Variants in RBFOX2 observed in about 807,000 individuals in gnomAD.
RBFOX2 encodes RNA binding protein fox-1 homolog 2.
In RBFOX2, 10 loss-of-function variants were observed where a neutral mutation model predicts 49.1. The ratio of observed to expected loss-of-function variants is 0.20; its 90% CI spans 0.13 to 0.35. The LOEUF (loss-of-function observed/expected upper bound fraction) is 0.35. Ranked by LOEUF, RBFOX2 falls within the 10% of genes least tolerant of loss-of-function variation. The pLI is 1.00. For missense variants in RBFOX2, 323 were observed against 486.9 expected (o/e 0.66, Z 3.17); for synonymous variants, 183 against 187.4 (o/e 0.98, Z 0.19).
At chr22:35,928,976 G>T (rs1457033927) in intron 1 of RBFOX2, among the ~76,000 whole-genome samples, 1 of 152,028 alleles carries the variant, frequency 6.6e-6, no homozygotes, top group Non-Finnish European at 1.5e-5. Context: ...TTATGCATGA[G>T]GCCACGTTGT....
chr22:35,908,717 C>T (rs1230317576), intron 1 of RBFOX2, among the ~76,000 whole-genome samples: 5 of 151,992 alleles, frequency 3.3e-5, no homozygotes, highest in Non-Finnish European at 7.4e-5. Context: ...CCACAATAGC[C>T]AATTGGTAAA....
chr22:35,781,736 C>T (rs745899108), exon 3 of RBFOX2: 1 of 1,614,090 alleles, frequency 6.2e-7, no homozygotes, highest in Non-Finnish European at 8.5e-7. Flanking sequence ...CTGTGCTCCA[C>T]CTTCTGTCTG....
chr22:35,981,699 A>C (rs1222676502), intron 1 of RBFOX2, among the ~76,000 whole-genome samples: 1 of 152,130 alleles, frequency 6.6e-6, no homozygotes, highest in African/African-American at 2.4e-5. Flanking sequence ...CACCAAAGTT[A>C]ATTTTAGCTT....
intron 1 of RBFOX2, among the ~76,000 whole-genome samples, chr22:35,879,973 T>C (rs1218454763): frequency 6.6e-6 from 1 of 152,182 alleles, no homozygotes; most frequent in East Asian, 1.9e-4. Flanking sequence ...ATGGCCAACA[T>C]GGCGAAACCC....
intron 1 of RBFOX2, among the ~76,000 whole-genome samples, chr22:35,926,429 C>T (rs981426029): frequency 6.6e-6 from 1 of 152,108 alleles, no homozygotes; most frequent in African/African-American, 2.4e-5. Context: ...CACATTAAAC[C>T]TCTCATTACA....
chr22:35,946,473 C>A (rs948899863), intron 1 of RBFOX2, among the ~76,000 whole-genome samples: 9 of 152,144 alleles, frequency 5.9e-5, no homozygotes, highest in Non-Finnish European at 1.0e-4. Context: ...ATAATATCTA[C>A]CACATAAAGT....
At chr22:36,000,160 C>T (rs1569521319) in intron 1 of RBFOX2, 1 of 151,920 alleles carries the variant, frequency 6.6e-6, no homozygotes, top group African/African-American at 2.4e-5. Context: ...GCCACTACAC[C>T]TGGCTAATTT....
intron 2 of RBFOX2, among the ~76,000 whole-genome samples, chr22:35,789,923 G>A (rs766640170): frequency 2.2e-4 from 33 of 152,158 alleles, no homozygotes; most frequent in Non-Finnish European, 4.4e-4. Flanking sequence ...AAGTCTGAGT[G>A]GGTGGAGTGG....
At chr22:35,976,682 G>T (rs2057172989) in intron 1 of RBFOX2, among the ~76,000 whole-genome samples, 1 of 152,150 alleles carries the variant, frequency 6.6e-6, no homozygotes, top group African/African-American at 2.4e-5. Flanking sequence ...GAACCACCCG[G>T]CCAGGAACAG....
At chr22:35,816,280 T>TAA (rs1953031427) in intron 1 of RBFOX2, among the ~76,000 whole-genome samples, 3 of 152,204 alleles carry the variant, frequency 2.0e-5, no homozygotes, top group Admixed American at 1.3e-4. Flanking sequence ...GTTTTGTTTT[T>TAA]AAGTCTAAAG....
intron 1 of RBFOX2, chr22:35,840,070 A>C: frequency 7.5e-7 from 1 of 1,328,816 alleles, no homozygotes; most frequent in Non-Finnish European, 1.1e-6. Flanking sequence ...GATAACAATA[A>C]ATCTGGTCTG....
intron 1 of RBFOX2, among the ~76,000 whole-genome samples, chr22:35,951,022 C>G (rs1171219738): frequency 6.9e-6 from 1 of 145,052 alleles, no homozygotes; most frequent in African/African-American, 2.6e-5. Context: ...GGTACAATCA[C>G]AGCTCACTGC....
chr22:35,769,189 T>G (rs189311546), intron 4 of RBFOX2, among the ~76,000 whole-genome samples: 1 of 152,062 alleles, frequency 6.6e-6, no homozygotes, highest in Admixed American at 6.6e-5. Context: ...TTTCTATATA[T>G]AGAGAAAAAA....
intron 1 of RBFOX2, among the ~76,000 whole-genome samples, chr22:35,945,531 C>T (rs867236701): frequency 7.9e-5 from 12 of 152,120 alleles, no homozygotes; most frequent in African/African-American, 2.9e-4. Context: ...GCCTCGACCT[C>T]GCAGACCCAA....
intron 1 of RBFOX2, among the ~76,000 whole-genome samples, chr22:36,020,839 G>A (rs573034297): frequency 3.1e-4 from 47 of 152,302 alleles, no homozygotes; most frequent in African/African-American, 9.4e-4. Flanking sequence ...ACAGTGTGGC[G>A]ATTCCTCAAG....
chr22:35,756,920 G>C (rs561342770), intron 9 of RBFOX2, among the ~76,000 whole-genome samples: 2 of 152,042 alleles, frequency 1.3e-5, no homozygotes, highest in Admixed American at 1.3e-4. Context: ...GAGATAATGA[G>C]CTAAAGGTTA....
chr22:35,897,810 G>A, intron 1 of RBFOX2: 1 of 749,780 alleles, frequency 1.3e-6, no homozygotes. Context: ...TTACGATAAT[G>A]GCTTCTGGAA....
intron 1 of RBFOX2, among the ~76,000 whole-genome samples, chr22:35,887,203 C>T (rs1328611619): frequency 6.6e-6 from 1 of 152,202 alleles, no homozygotes; most frequent in Non-Finnish European, 1.5e-5. Context: ...TCCTAAATAA[C>T]TGAAGCTTGC....
chr22:35,924,620 CCA>C (rs1316334684), intron 1 of RBFOX2, among the ~76,000 whole-genome samples: 2 of 152,186 alleles, frequency 1.3e-5, no homozygotes, highest in Non-Finnish European at 2.9e-5. Flanking sequence ...GAAAGTCTGA[CCA>C]CAGTTTTGCT....
Sources: gnomAD v4.1 joint callset for allele counts (sites outside exome capture counted in the v4.1 genomes callset) on GRCh38, gnomAD v4.1.1 for gene constraint, MANE v1.5 for transcripts, NCBI Gene and HGNC (gene_info 2026-07-23, HGNC 2026-07-21) for gene names.